NCKAP5: variants seen among roughly 807,000 people sequenced by gnomAD.
NCKAP5 encodes the protein NCK associated protein 5.
Under a neutral mutation model 167.0 loss-of-function variants are expected in NCKAP5, and 92 were observed. The observed-to-expected ratio is 0.55, with a 90% confidence interval of 0.47 to 0.66. NCKAP5 has a LOEUF of 0.66. NCKAP5 is among the 30% of genes least tolerant of loss of function. NCKAP5 has a pLI of 0.00. For missense variants in NCKAP5, 2,378 were observed against 2,315.0 expected, an observed-to-expected ratio of 1.03 and a Z score of -0.56; for synonymous variants, 891 against 877.4, an observed-to-expected ratio of 1.02 and a Z score of -0.27.
At chr2:133,144,711 G>C (rs1181978120) in intron 5 of NCKAP5, among the ~76,000 whole-genome samples, 1 of 152,250 alleles carries the variant, frequency 6.6e-6, no homozygotes, top group East Asian at 1.9e-4. Flanking sequence ...TTACGTCTCT[G>C]TACAGAGGCA....
At chr2:133,408,255 C>T (rs1422301976) in intron 3 of NCKAP5, among the ~76,000 whole-genome samples, 1 of 152,192 alleles carries the variant, frequency 6.6e-6, no homozygotes, top group African/African-American at 2.4e-5. Flanking sequence ...TGTGGCACAG[C>T]TTGTGCTAAA....
At chr2:133,372,714 C>T (rs1685882773) in intron 3 of NCKAP5, among the ~76,000 whole-genome samples, 1 of 152,188 alleles carries the variant, frequency 6.6e-6, no homozygotes, top group South Asian at 2.1e-4. Flanking sequence ...GATTTTAGGA[C>T]CCAGATTTCT....
intron 2 of NCKAP5, among the ~76,000 whole-genome samples, chr2:133,539,868 A>G (rs1180687338): frequency 1.3e-5 from 2 of 152,230 alleles, no homozygotes; most frequent in Admixed American, 6.5e-5. Flanking sequence ...GAAATTTTCA[A>G]AACAGAAGAA....
At chr2:133,411,032 T>C (rs1688739638) in intron 3 of NCKAP5, among the ~76,000 whole-genome samples, 1 of 152,236 alleles carries the variant, frequency 6.6e-6, no homozygotes, top group Non-Finnish European at 1.5e-5. Context: ...ATTGAGTCTC[T>C]TCTGAACTCA....
intron 6 of NCKAP5, among the ~76,000 whole-genome samples, chr2:133,053,576 T>C (rs780126933): frequency 2.0e-5 from 3 of 152,226 alleles, no homozygotes; most frequent in Non-Finnish European, 4.4e-5. Context: ...GTTAACTTTC[T>C]TTACTTTCTG....
intron 6 of NCKAP5, among the ~76,000 whole-genome samples, chr2:133,011,877 A>G (rs1007387419): frequency 6.6e-6 from 1 of 152,076 alleles, no homozygotes; most frequent in African/African-American, 2.4e-5. Flanking sequence ...GATTATCTCA[A>G]TTTCAAAGCC....
In NCKAP5 at chr2:133,401,441, G is replaced by A. The variant is rs965987717; in HGVS notation, c.70-98331C>T. Among the ~76,000 whole-genome samples, 12 of 152,292 alleles carry A rather than the reference G, an allele frequency of 7.9e-5. No homozygotes were observed. In the East Asian group the frequency reaches 2.3e-3, roughly 29 times the overall value. On this transcript the variant is annotated intron_variant, in intron 3 of 19. Coordinates refer to ENST00000409261, the MANE Select transcript of NCKAP5 (RefSeq NM_207363.3). ...TCAGTTTGTAGCCTGTCAGTCCTAT[G>A]TGTGGGAGGCCCAGAACTTGTGGTT... is the stretch of plus-strand genomic sequence containing the variant.
intron 3 of NCKAP5, among the ~76,000 whole-genome samples, chr2:133,326,812 A>G (rs1031474113): frequency 1.3e-5 from 2 of 152,210 alleles, no homozygotes; most frequent in Admixed American, 1.3e-4. Context: ...GGCTGCTCAC[A>G]GTAGAGTGCA....
intron 5 of NCKAP5, among the ~76,000 whole-genome samples, chr2:133,200,061 CTT>C (rs70973417): frequency 1.3e-4 from 14 of 109,362 alleles, no homozygotes; most frequent in Admixed American, 3.3e-4. Flanking sequence ...TTTTTTCTTT[CTT>C]TTTTTTTTTT....
At chr2:133,611,671 G>C in the NCKAP5 span, among the ~76,000 whole-genome samples, 13 of 152,278 alleles carry the variant, frequency 8.5e-5, no homozygotes, top group African/African-American at 3.1e-4. Flanking sequence ...AAAAAGGCTG[G>C]GTGGGGTGTG....
At chr2:132,965,839 A>G (rs899406528) in intron 7 of NCKAP5, among the ~76,000 whole-genome samples, 7 of 152,218 alleles carry the variant, frequency 4.6e-5, no homozygotes, top group Middle Eastern at 3.4e-3. Flanking sequence ...TAAAAAAGGT[A>G]CAGTAAAAAC....
At chr2:133,352,400 A>C (rs1166434832) in intron 3 of NCKAP5, among the ~76,000 whole-genome samples, 3 of 152,222 alleles carry the variant, frequency 2.0e-5, no homozygotes, top group Non-Finnish European at 4.4e-5. Context: ...CAAAAGAATA[A>C]ATTAATGCAC....
intron 5 of NCKAP5, among the ~76,000 whole-genome samples, chr2:133,174,824 T>C (rs899733286): frequency 6.6e-6 from 1 of 152,110 alleles, no homozygotes; most frequent in African/African-American, 2.4e-5. Flanking sequence ...AGCTGTACTC[T>C]CTGTAATGAA....
intron 16 of NCKAP5, among the ~76,000 whole-genome samples, chr2:132,755,644 C>G (rs1290028519): frequency 6.6e-6 from 1 of 151,786 alleles, no homozygotes; most frequent in East Asian, 1.9e-4. Flanking sequence ...GCCTGACCAA[C>G]ATGGTGAAAC....
chr2:133,000,244 C>G (rs1031071968), intron 6 of NCKAP5, among the ~76,000 whole-genome samples: 1 of 152,040 alleles, frequency 6.6e-6, no homozygotes, highest in African/African-American at 2.4e-5. Flanking sequence ...GAAATTGTGT[C>G]GATTTAAGAA....
chr2:133,548,411 C>T (rs1174925448), intron 2 of NCKAP5, among the ~76,000 whole-genome samples: 1 of 151,436 alleles, frequency 6.6e-6, no homozygotes, highest in Admixed American at 6.6e-5. Context: ...AGAGCAACTC[C>T]AAGACACATA....
intron 2 of NCKAP5, among the ~76,000 whole-genome samples, chr2:133,519,595 A>G (rs1434366039): frequency 1.3e-5 from 2 of 151,796 alleles, no homozygotes. Context: ...CCAAAAACAC[A>G]CCCTCCTAAG....
Position 133,385,896 on chromosome 2 carries a change from C to T in NCKAP5, c.70-82786G>A, listed in dbSNP as rs531199245. ...TTTCTGTGGGATTGGTGGTGATATC[C>T]CCTTTATCATTTTTATTGCATCTAT... On this transcript the variant is annotated intron_variant, in intron 3 of 19. Coordinates refer to ENST00000409261, the MANE Select transcript of NCKAP5 (RefSeq NM_207363.3). 2.3e-3 allele frequency among the ~76,000 whole-genome samples: 348 copies of T among 152,084 alleles called. 2 individuals are homozygous for T. The highest frequency in any genetic ancestry group is 7.5e-3 in the African/African-American group (313 of 41,466).
At chr2:132,676,694 C>T (rs914033542) in intron 19 of NCKAP5, among the ~76,000 whole-genome samples, 4 of 152,114 alleles carry the variant, frequency 2.6e-5, no homozygotes, top group Admixed American at 1.3e-4. Flanking sequence ...AGCAACTATA[C>T]GTGAAAGTGC....
Sources: gnomAD v4.1 joint callset for allele counts (sites outside exome capture counted in the v4.1 genomes callset) on GRCh38, gnomAD v4.1.1 for gene constraint, MANE v1.5 for transcripts, NCBI Gene and HGNC (gene_info 2026-07-23, HGNC 2026-07-21) for gene names.